The following CDK14 variants were observed in gnomAD, a reference collection of about 807,000 sequenced individuals.
CDK14 encodes the protein cyclin-dependent kinase 14.
A neutral mutation model predicts 60.7 loss-of-function variants in CDK14; 34 were observed. That is an observed-to-expected ratio of 0.56 (90% CI 0.43 to 0.75). The LOEUF (loss-of-function observed/expected upper bound fraction) is 0.75, where lower values mean the gene tolerates loss of function less well. Among genes scored for constraint, CDK14 ranks in the 30% least tolerant of loss-of-function variants. The probability of loss-of-function intolerance (pLI) is 0.00; values close to 1 mark genes in which losing one functional copy is unlikely to be tolerated. For synonymous variants in CDK14, 197 were observed against 203.7 expected (o/e 0.97, Z 0.28); for missense variants, 482 against 564.1 (o/e 0.85, Z 1.47).
chr7:91,101,518 T>G (rs1480997978), intron 12 of CDK14, among the ~76,000 whole-genome samples: 1 of 152,224 alleles, frequency 6.6e-6, no homozygotes, highest in Admixed American at 6.5e-5. Context: ...GTACTAAAAC[T>G]ACAGCCTATT....
chr7:91,129,086 C>T (rs963761222), intron 14 of CDK14, among the ~76,000 whole-genome samples: 7 of 152,284 alleles, frequency 4.6e-5, no homozygotes, highest in African/African-American at 1.7e-4. Context: ...TTTATGTCAG[C>T]AGATCTCAAA....
chr7:90,931,759 T>C (rs1793596824), intron 8 of CDK14, among the ~76,000 whole-genome samples: 1 of 149,282 alleles, frequency 6.7e-6, no homozygotes, highest in Non-Finnish European at 1.5e-5. Flanking sequence ...ATATTTCAAA[T>C]GAAACTTTCA....
intron 12 of CDK14, among the ~76,000 whole-genome samples, chr7:91,102,014 T>G (rs1168309963): frequency 6.6e-6 from 1 of 152,230 alleles, no homozygotes; most frequent in Non-Finnish European, 1.5e-5. Flanking sequence ...TGTTCAGTAG[T>G]TAAGGAAAAC....
intron 14 of CDK14, among the ~76,000 whole-genome samples, chr7:91,135,223 G>A (rs1305674982): frequency 6.6e-6 from 1 of 151,872 alleles, no homozygotes; most frequent in African/African-American, 2.4e-5. Flanking sequence ...GAGGGTTGGG[G>A]GTGAAAAGGA....
chr7:90,662,170 G>C (rs1281849502), intron 2 of CDK14, among the ~76,000 whole-genome samples: 1 of 152,170 alleles, frequency 6.6e-6, no homozygotes, highest in Non-Finnish European at 1.5e-5. Context: ...TATACAACAA[G>C]TCCATCAGTT....
At position 90,604,022 on chromosome 7, in the gene CDK14, A is replaced by C. The variant is rs183815830; in HGVS notation, c.92-196A>C. Among the ~76,000 whole-genome samples the C allele has an allele frequency of 4.7e-4, 71 of 152,378 alleles. 1 individual carries two copies. In the East Asian group the frequency reaches 0.01, roughly 21 times the overall value. On this transcript the variant is annotated intron_variant, in intron 1 of 14. Coordinates refer to ENST00000380050, the MANE Select transcript of CDK14 (RefSeq NM_001287135.2). ...TTTGCATATTTATAAAAAATATTTC[A>C]AAAGATGCATGCTGTGCAATTCTCT...
chr7:90,777,575 T>G (rs2116916472), intron 4 of CDK14, among the ~76,000 whole-genome samples: 1 of 152,328 alleles, frequency 6.6e-6, no homozygotes, highest in East Asian at 1.9e-4. Flanking sequence ...CATTGTTGTT[T>G]CAAATCTCCT....
chr7:90,639,907 G>T (rs1052513030), intron 2 of CDK14, among the ~76,000 whole-genome samples: 1 of 152,254 alleles, frequency 6.6e-6, no homozygotes, highest in African/African-American at 2.4e-5. Flanking sequence ...CTCCGTGGGC[G>T]TAGGACCCTC....
At chr7:90,658,508 C>T (rs1448618733) in intron 2 of CDK14, among the ~76,000 whole-genome samples, 4 of 152,184 alleles carry the variant, frequency 2.6e-5, no homozygotes, top group African/African-American at 9.7e-5. Flanking sequence ...TAGATTACAA[C>T]ATACGGATTT....
intron 11 of CDK14, 100 bp downstream of exon 11, chr7:91,046,060 G>T (rs749426764): frequency 2.7e-6 from 2 of 747,066 alleles, no homozygotes; most frequent in Non-Finnish European, 4.7e-6. Flanking sequence ...GAAAAATTCT[G>T]GTTACTTTTG....
chr7:91,015,250 G>A (rs927581606), intron 10 of CDK14, among the ~76,000 whole-genome samples: 1 of 151,818 alleles, frequency 6.6e-6, no homozygotes, highest in African/African-American at 2.4e-5. Context: ...TTCTTTCCTT[G>A]AGCATTAACT....
At chr7:91,157,855 C>A (rs1355817106) in intron 14 of CDK14, among the ~76,000 whole-genome samples, 1 of 152,050 alleles carries the variant, frequency 6.6e-6, no homozygotes, top group African/African-American at 2.4e-5. Context: ...TATGTGGTAG[C>A]TGCTGCCCCT....
At chr7:90,796,467 A>G (rs553115741) in intron 5 of CDK14, among the ~76,000 whole-genome samples, 1 of 152,164 alleles carries the variant, frequency 6.6e-6, no homozygotes, top group South Asian at 2.1e-4. Context: ...AGGGCCAGAG[A>G]TAGAAATAGT....
chr7:90,609,134 C>G (rs1799483512), intron 2 of CDK14, among the ~76,000 whole-genome samples: 1 of 152,168 alleles, frequency 6.6e-6, no homozygotes, highest in Non-Finnish European at 1.5e-5. Flanking sequence ...CCAACCTATC[C>G]TCCCACCTCA....
intron 5 of CDK14, among the ~76,000 whole-genome samples, chr7:90,834,583 C>T (rs1292405387): frequency 4.6e-5 from 7 of 152,076 alleles, no homozygotes; most frequent in Non-Finnish European, 1.0e-4. Context: ...TTTTAGTAGA[C>T]TGGGAAGAAA....
intron 2 of CDK14, among the ~76,000 whole-genome samples, chr7:90,633,309 T>C (rs1272378581): frequency 6.6e-6 from 1 of 152,156 alleles, no homozygotes; most frequent in Non-Finnish European, 1.5e-5. Context: ...AAATTTTGCT[T>C]CCATGATAAA....
At chr7:91,045,051 G>A (rs1797194634) in intron 10 of CDK14, among the ~76,000 whole-genome samples, 1 of 152,138 alleles carries the variant, frequency 6.6e-6, no homozygotes, top group African/African-American at 2.4e-5. Flanking sequence ...TTACATGGCT[G>A]GTAAATAGGG....
intron 4 of CDK14, among the ~76,000 whole-genome samples, chr7:90,780,591 A>G (rs1323837790): frequency 8.4e-6 from 1 of 118,806 alleles, no homozygotes; most frequent in East Asian, 2.9e-4. Flanking sequence ...CCACCCCACA[A>G]CATTCCCCAG....
intron 9 of CDK14, among the ~76,000 whole-genome samples, chr7:90,970,567 GA>G (rs1378112843): frequency 1.3e-5 from 2 of 152,330 alleles, no homozygotes; most frequent in South Asian, 2.1e-4. Flanking sequence ...GGATTCAGGA[GA>G]TGCAGTTTCT....
Sources: gnomAD v4.1 joint callset for allele counts (sites outside exome capture counted in the v4.1 genomes callset) on GRCh38, gnomAD v4.1.1 for gene constraint, MANE v1.5 for transcripts, NCBI Gene and HGNC (gene_info 2026-07-23, HGNC 2026-07-21) for gene names.